Variants in FGD3 observed in about 807,000 individuals in gnomAD.
The protein encoded by FGD3 is FYVE, RhoGEF and PH domain-containing protein 3.
A neutral mutation model predicts 71.8 loss-of-function variants in FGD3; 45 were observed. That is an observed-to-expected ratio of 0.63 (90% CI 0.49 to 0.80). The LOEUF (loss-of-function observed/expected upper bound fraction) is 0.80, where lower values mean the gene tolerates loss of function less well. Among genes scored for constraint, FGD3 ranks in the 30% least tolerant of loss-of-function variants. FGD3 has a pLI of 0.00. For synonymous variants in FGD3, 378 were observed against 392.8 expected (o/e 0.96, Z 0.44); for missense variants, 844 against 951.5 (o/e 0.89, Z 1.49).
intron 3 of FGD3, among the ~76,000 whole-genome samples, chr9:92,991,967 C>T (rs1460139915): frequency 6.6e-6 from 1 of 152,078 alleles, no homozygotes; most frequent in Non-Finnish European, 1.5e-5. Flanking sequence ...AGTATAGCTA[C>T]TCCTCCTTGT....
At chr9:92,992,706 C>A (rs1215376975) in intron 3 of FGD3, among the ~76,000 whole-genome samples, 2 of 152,062 alleles carry the variant, frequency 1.3e-5, no homozygotes, top group Non-Finnish European at 2.9e-5. Context: ...TAGCTACTGC[C>A]TGGAGCATTC....
At chr9:92,985,281 G>A (rs1400717440) in intron 3 of FGD3, among the ~76,000 whole-genome samples, 1 of 152,184 alleles carries the variant, frequency 6.6e-6, no homozygotes, top group African/African-American at 2.4e-5. Context: ...GCCTGCCTCT[G>A]GTCCCTGCAC....
At chr9:92,966,555 C>A (rs1248566832) in intron 1 of FGD3, among the ~76,000 whole-genome samples, 1 of 152,254 alleles carries the variant, frequency 6.6e-6, no homozygotes, top group Non-Finnish European at 1.5e-5. Flanking sequence ...GGTGGGGGCA[C>A]CGCAGACTCA....
chr9:93,023,686 A>G (rs1862012880), intron 14 of FGD3, among the ~76,000 whole-genome samples: 1 of 151,784 alleles, frequency 6.6e-6, no homozygotes, highest in Non-Finnish European at 1.5e-5. Flanking sequence ...GCTAGGCCCC[A>G]GGGCCTTGAC....
At position 92,979,485 on chromosome 9, in the gene FGD3, G is replaced by A. The variant is rs562482676; in HGVS notation, c.453+2776G>A. Among the ~76,000 whole-genome samples, 12 of 152,236 alleles carry A rather than the reference G, an allele frequency of 7.9e-5. No individual in the cohort carries two copies. The East Asian group carries it at 2.3e-3, about 29-fold the overall frequency. On this transcript the variant is annotated intron_variant, in intron 3 of 17. Coordinates refer to ENST00000375482, the MANE Select transcript of FGD3 (RefSeq NM_001083536.2). Reference sequence around the variant, plus strand: ...GGTCATGGTGATTAATCCTTTCAATGTACTGTTGAATTTCATTTCCTAGTA... The same window carrying A: ...GGTCATGGTGATTAATCCTTTCAATATACTGTTGAATTTCATTTCCTAGTA...
At chr9:92,958,394 CA>C (rs1564140024) in intron 1 of FGD3, among the ~76,000 whole-genome samples, 1 of 152,196 alleles carries the variant, frequency 6.6e-6, no homozygotes, top group Non-Finnish European at 1.5e-5. Flanking sequence ...CCCACATATT[CA>C]GAGACACTCT....
At chr9:93,026,806 G>A (rs751668835) in intron 14 of FGD3, among the ~76,000 whole-genome samples, 9 of 152,344 alleles carry the variant, frequency 5.9e-5, no homozygotes, top group African/African-American at 1.4e-4. Flanking sequence ...CCATGGGCAC[G>A]CCCTGTGTTG....
intron 1 of FGD3, among the ~76,000 whole-genome samples, chr9:92,960,913 G>A (rs1298720956): frequency 6.6e-6 from 1 of 151,916 alleles, no homozygotes; most frequent in Non-Finnish European, 1.5e-5. Context: ...CCTCCACCCA[G>A]GCCTCTCTCC....
At chr9:92,981,421 C>T (rs984206320) in intron 3 of FGD3, among the ~76,000 whole-genome samples, 3 of 149,986 alleles carry the variant, frequency 2.0e-5, no homozygotes, top group Non-Finnish European at 3.0e-5. Context: ...TAATTTCAGT[C>T]TTTGTGTGTT....
At chr9:93,021,814 C>T (rs1037770739) in intron 13 of FGD3, among the ~76,000 whole-genome samples, 1 of 152,202 alleles carries the variant, frequency 6.6e-6, no homozygotes, top group South Asian at 2.1e-4. Flanking sequence ...AAGAACTTTG[C>T]ACCATCCAGA....
Position 93,022,343 on chromosome 9 carries a change from C to T in FGD3, c.1511C>T (p.Pro504Leu). 1 of 1,612,334 alleles carries T rather than the reference C, an allele frequency of 6.2e-7. No individual in the cohort carries two copies. Among genetic ancestry groups the T allele is most frequent in the Non-Finnish European group, 8.5e-7 (1 of 1,179,338 alleles). Residue 504 changes from proline (P) to leucine (L), a missense_variant, in exon 14 of 18, where the codon CCT becomes CTT. By Grantham distance (98) the Pro-to-Leu change is moderately conservative (BLOSUM62 -3). Transcript: ENST00000375482. ...CCCTTCTAGATCACGAGCACCAGCCCTGTGGAGCCTGTGGTGACCACCGAA... is the reference window on the plus strand; with the variant it reads ...CCCTTCTAGATCACGAGCACCAGCCTTGTGGAGCCTGTGGTGACCACCGAA... ...SPDMPITSTS[P>L]VEPVVTTEGS...
At chr9:92,988,639 G>A (rs1380481764) in intron 3 of FGD3, among the ~76,000 whole-genome samples, 1 of 152,184 alleles carries the variant, frequency 6.6e-6, no homozygotes, top group Non-Finnish European at 1.5e-5. Flanking sequence ...ATAAGAGCAA[G>A]TACTTACTGT....
intron 3 of FGD3, among the ~76,000 whole-genome samples, chr9:92,996,809 A>G (rs574451723): frequency 3.3e-5 from 5 of 152,212 alleles, no homozygotes; most frequent in Non-Finnish European, 2.9e-5. Flanking sequence ...CTTAATCCTG[A>G]GTTCTAGTTT....
At chr9:92,958,237 G>A (rs1204527181) in intron 1 of FGD3, among the ~76,000 whole-genome samples, 1 of 152,114 alleles carries the variant, frequency 6.6e-6, no homozygotes, top group Non-Finnish European at 1.5e-5. Flanking sequence ...GACTTCAGGT[G>A]ACCCACCCTC....
At chr9:93,011,583 C>A (rs1360008592) in intron 8 of FGD3, among the ~76,000 whole-genome samples, 1 of 152,208 alleles carries the variant, frequency 6.6e-6, no homozygotes, top group African/African-American at 2.4e-5. Flanking sequence ...ATGGGCCGGG[C>A]GCGGTTGCTC....
rs1295002889 is a variant in FGD3, at chr9:93,035,970, G to A, written c.*381G>A. On this transcript the variant is annotated 3_prime_UTR_variant, in exon 18 of 18. Transcript: ENST00000375482. ...CTGCAGCGTGGTCCACCCCGCCTCT[G>A]CCCAGCCTGTCTACACCGTGTGAGC... The A allele has an allele frequency of 1.4e-5, 3 of 211,746 alleles. No individual in the cohort carries two copies. Among genetic ancestry groups the A allele is most frequent in the African/African-American group, 4.6e-5 (2 of 43,354 alleles). 13.1% of individuals were successfully genotyped at this position (211,746 alleles called of 1,614,324 possible). A position where few individuals can be genotyped will look rare whatever the true frequency, so the allele number is the denominator to read the frequency against.
chr9:92,948,900 A>G (rs1010161129), intron 1 of FGD3, among the ~76,000 whole-genome samples: 1 of 152,152 alleles, frequency 6.6e-6, no homozygotes, highest in African/African-American at 2.4e-5. Flanking sequence ...AGCAGCTCAC[A>G]CCATCTGTTC....
At chr9:93,013,407 C>T (rs1203624652) in intron 8 of FGD3, among the ~76,000 whole-genome samples, 2 of 152,198 alleles carry the variant, frequency 1.3e-5, no homozygotes, top group African/African-American at 4.8e-5. Flanking sequence ...GCTGTCCCAT[C>T]GCACTTCTGG....
chr9:93,026,160 C>T (rs1352414289), intron 14 of FGD3, among the ~76,000 whole-genome samples: 1 of 152,204 alleles, frequency 6.6e-6, no homozygotes, highest in Non-Finnish European at 1.5e-5. Flanking sequence ...CTGGAGGGGG[C>T]AGCCCCGTTG....
Sources: gnomAD v4.1 joint callset for allele counts (sites outside exome capture counted in the v4.1 genomes callset) on GRCh38, gnomAD v4.1.1 for gene constraint, MANE v1.5 for transcripts, NCBI Gene and HGNC (gene_info 2026-07-23, HGNC 2026-07-21) for gene names.